IQCJ: variants seen among roughly 807,000 people sequenced by gnomAD.
IQCJ encodes IQ domain-containing protein J.
A neutral mutation model predicts 11.0 loss-of-function variants in IQCJ; 9 were observed. The ratio of observed to expected loss-of-function variants is 0.82; its 90% CI spans 0.49 to 1.43. The LOEUF is 1.43. Ranked by LOEUF, IQCJ falls within the 40% of genes most tolerant of loss-of-function variation. The pLI is 0.00. For missense variants in IQCJ, 146 were observed against 133.2 expected (o/e 1.10, Z -0.47); for synonymous variants, 55 against 51.3 (o/e 1.07, Z -0.31).
Position 159,086,854 on chromosome 3 carries a change from C to G in IQCJ, c.9+17413C>G, listed in dbSNP as rs1316544447. Among the ~76,000 whole-genome samples the G allele has an allele frequency of 2.0e-5, 3 of 152,236 alleles. No individual in the cohort carries two copies. The East Asian group carries it at 5.8e-4, about 29-fold the overall frequency. ...GGGTTTTCTAGATATACAATCATGT[C>G]ATCTGCAAACAGGGACAATTTGACT... On this transcript the variant is annotated intron_variant, in intron 1 of 3. Coordinates refer to ENST00000397832, the MANE Select transcript of IQCJ (RefSeq NM_001042706.3).
At chr3:159,204,294 A>G (rs1409799251) in intron 1 of IQCJ, among the ~76,000 whole-genome samples, 1 of 152,208 alleles carries the variant, frequency 6.6e-6, no homozygotes, top group African/African-American at 2.4e-5. Flanking sequence ...AAATAACTGT[A>G]GATGATTGAA....
chr3:159,214,189 C>T (rs1341512042), intron 1 of IQCJ, among the ~76,000 whole-genome samples: 6 of 152,172 alleles, frequency 3.9e-5, no homozygotes, highest in Admixed American at 2.0e-4. Flanking sequence ...CCATTCCCAG[C>T]TCAATCTGTT....
At chr3:159,092,426 G>A (rs1413978245) in intron 1 of IQCJ, among the ~76,000 whole-genome samples, 1 of 151,802 alleles carries the variant, frequency 6.6e-6, no homozygotes, top group African/African-American at 2.4e-5. Flanking sequence ...TAGGCCTGGC[G>A]CTGTGGCTCA....
intron 1 of IQCJ, 98 bp from the exon 2 acceptor site, chr3:159,245,745 T>G: frequency 9.8e-7 from 1 of 1,024,430 alleles, no homozygotes; most frequent in Non-Finnish European, 1.4e-6. Flanking sequence ...GAACTCTTAA[T>G]GTTGTGTTGT....
chr3:159,086,680 T>C (rs1261264691), intron 1 of IQCJ, among the ~76,000 whole-genome samples: 2 of 151,942 alleles, frequency 1.3e-5, no homozygotes, highest in Non-Finnish European at 2.9e-5. Context: ...TTTGAAGCAA[T>C]TGTGAATGGG....
chr3:159,113,633 G>T (rs1371267927), intron 1 of IQCJ, among the ~76,000 whole-genome samples: 2 of 152,178 alleles, frequency 1.3e-5, no homozygotes, highest in Non-Finnish European at 1.5e-5. Context: ...GATATTCTTG[G>T]CACCTTAGTG....
chr3:159,082,344 A>G (rs754957599), intron 1 of IQCJ, among the ~76,000 whole-genome samples: 2 of 149,220 alleles, frequency 1.3e-5, no homozygotes, highest in Non-Finnish European at 2.9e-5. Context: ...AAACAACTCT[A>G]TAAGTTTTTT....
intron 1 of IQCJ, among the ~76,000 whole-genome samples, chr3:159,090,873 C>G (rs1326847042): frequency 6.6e-6 from 1 of 151,844 alleles, no homozygotes; most frequent in Non-Finnish European, 1.5e-5. Flanking sequence ...TTCATGTGGA[C>G]ATAACATAAA....
chr3:159,226,348 C>T (rs989462247), intron 1 of IQCJ, among the ~76,000 whole-genome samples: 8 of 152,164 alleles, frequency 5.3e-5, no homozygotes, highest in Non-Finnish European at 8.8e-5. Context: ...GAAGGACACT[C>T]ATCACTGTGA....
At chr3:159,096,293 A>C (rs1717746883) in intron 1 of IQCJ, among the ~76,000 whole-genome samples, 6 of 149,984 alleles carry the variant, frequency 4.0e-5, no homozygotes, top group Admixed American at 3.3e-4. Flanking sequence ...AGGTTGTGAA[A>C]ATTTTCTCCC....
Position 159,246,619 on chromosome 3 carries a change from T to C in IQCJ, c.74+712T>C, listed in dbSNP as rs1249470162. 3.3e-5 allele frequency among the ~76,000 whole-genome samples: 5 copies of C among 152,298 alleles called. No individual in the cohort carries two copies. In the East Asian group the frequency reaches 7.7e-4, roughly 24 times the overall value. Reference sequence around the variant, plus strand: ...GACTAGTCAAGCTGGTTGGGTGTCATGCTTGGCTCTGGACACCACGTTTAA... The same window carrying C: ...GACTAGTCAAGCTGGTTGGGTGTCACGCTTGGCTCTGGACACCACGTTTAA... On this transcript the variant is annotated intron_variant, in intron 2 of 3. Coordinates refer to ENST00000397832, the MANE Select transcript of IQCJ (RefSeq NM_001042706.3).
At chr3:159,084,278 G>A (rs1391020441) in intron 1 of IQCJ, among the ~76,000 whole-genome samples, 1 of 151,750 alleles carries the variant, frequency 6.6e-6, no homozygotes, top group Non-Finnish European at 1.5e-5. Flanking sequence ...AAAAATGAGT[G>A]TACTAAAAGA....
chr3:159,217,949 G>T (rs1235548473), intron 1 of IQCJ, among the ~76,000 whole-genome samples: 1 of 151,964 alleles, frequency 6.6e-6, no homozygotes, highest in Non-Finnish European at 1.5e-5. Flanking sequence ...AGCTCCTTGA[G>T]GACAGTGGCT....
rs887517879 is a variant in IQCJ, at chr3:159,150,092, C to T, written c.9+80651C>T. On this transcript the variant is annotated intron_variant, in intron 1 of 3. Coordinates refer to ENST00000397832, the MANE Select transcript of IQCJ (RefSeq NM_001042706.3). The stretch of plus-strand genomic sequence containing the variant: ...TTTGAACTTAGATTAGTGCTCATCT[C>T]CCCTAATCCCAAGATGGTTGTTGAT... 1.4e-4 allele frequency among the ~76,000 whole-genome samples: 22 copies of T among 152,264 alleles called. No homozygotes were observed. The East Asian group carries it at 4.1e-3, about 28-fold the overall frequency.
rs1383963359 is a variant in IQCJ at position 159,253,634 on chromosome 3, CA to C, written c.155+828del. On this transcript the variant is annotated intron_variant, in intron 3 of 3. Coordinates refer to ENST00000397832, the MANE Select transcript of IQCJ (RefSeq NM_001042706.3). ...AAACACACACACACACACACACACA[CA>C]CTCACACACTCAGTATAACACTCCG... Among the ~76,000 whole-genome samples the C allele has an allele frequency of 2.8e-3, 425 of 151,652 alleles. 2 individuals are homozygous for C. Among genetic ancestry groups the C allele is most frequent in the African/African-American group, 9.9e-3 (410 of 41,282 alleles).
At chr3:159,232,123 TCTAA>T (rs1255176066) in intron 1 of IQCJ, among the ~76,000 whole-genome samples, 4 of 152,180 alleles carry the variant, frequency 2.6e-5, no homozygotes, top group African/African-American at 9.6e-5. Flanking sequence ...TTTTTGTGTC[TCTAA>T]CTCTTTCAGT....
At chr3:159,072,739 T>C (rs1245811289) in intron 1 of IQCJ, among the ~76,000 whole-genome samples, 1 of 152,108 alleles carries the variant, frequency 6.6e-6, no homozygotes, top group Non-Finnish European at 1.5e-5. Flanking sequence ...CATTGACTAT[T>C]AATATCCACA....
chr3:159,251,945 G>A (rs1727625485), intron 2 of IQCJ, among the ~76,000 whole-genome samples: 1 of 152,184 alleles, frequency 6.6e-6, no homozygotes, highest in Admixed American at 6.5e-5. Flanking sequence ...TACACATTAT[G>A]AGACCAGTAA....
At chr3:159,072,729 C>T (rs1019866597) in intron 1 of IQCJ, among the ~76,000 whole-genome samples, 8 of 152,042 alleles carry the variant, frequency 5.3e-5, no homozygotes, top group East Asian at 1.9e-4. Flanking sequence ...ATATAGTCCT[C>T]ATTGACTATT....
Sources: gnomAD v4.1 joint callset for allele counts (sites outside exome capture counted in the v4.1 genomes callset) on GRCh38, gnomAD v4.1.1 for gene constraint, MANE v1.5 for transcripts, NCBI Gene and HGNC (gene_info 2026-07-23, HGNC 2026-07-21) for gene names.